GABRG3: variants seen among roughly 807,000 people sequenced by gnomAD.
The protein encoded by GABRG3 is gamma-aminobutyric acid type A receptor subunit gamma3, also known as gamma-aminobutyric acid receptor subunit gamma-3.
GABRG3 carries 25 observed loss-of-function variants against 48.8 expected under a neutral mutation model. The ratio of observed to expected loss-of-function variants is 0.51; its 90% CI spans 0.37 to 0.72. The LOEUF is 0.72. GABRG3 is among the 30% of genes least tolerant of loss of function. GABRG3 has a pLI of 0.00. For missense variants in GABRG3, 394 were observed against 577.9 expected (o/e 0.68, Z 3.26); for synonymous variants, 227 against 217.6 (o/e 1.04, Z -0.38).
Position 27,443,187 on chromosome 15 carries a change from C to T in GABRG3, c.575-37463C>T, listed in dbSNP as rs61507711. Among the ~76,000 whole-genome samples, 607 of 152,144 alleles carry T rather than the reference C, an allele frequency of 4.0e-3. 19 individuals carry two copies. In the East Asian group the frequency reaches 0.097, roughly 24 times the overall value. On this transcript the variant is annotated intron_variant, in intron 5 of 9. Coordinates refer to ENST00000615808, the MANE Select transcript of GABRG3 (RefSeq NM_033223.5). ...TTAAGAGATTAGGACACCGATATACCCAAAGGGAAGACCCTGTGAGGACCT... is the reference window on the plus strand; with the variant it reads ...TTAAGAGATTAGGACACCGATATACTCAAAGGGAAGACCCTGTGAGGACCT...
In GABRG3 at chr15:27,298,011, G is replaced by A. The variant is rs115269594; in HGVS notation, c.271-28798G>A. 8.2e-3 allele frequency among the ~76,000 whole-genome samples: 1,247 copies of A among 151,730 alleles called. 17 individuals are homozygous for A. Among genetic ancestry groups the A allele is most frequent in the African/African-American group, 0.029 (1,203 of 41,410 alleles). Reference sequence around the variant, plus strand: ...TAAAAATCATTATAGATCCTCAAACGTTACATCAGAAAATATCCACTTAAT... The same window carrying A: ...TAAAAATCATTATAGATCCTCAAACATTACATCAGAAAATATCCACTTAAT... On this transcript the variant is annotated intron_variant, in intron 3 of 9. Coordinates refer to ENST00000615808, the MANE Select transcript of GABRG3 (RefSeq NM_033223.5).
chr15:27,035,775 G>T (rs1339619690), intron 3 of GABRG3, among the ~76,000 whole-genome samples: 1 of 152,208 alleles, frequency 6.6e-6, no homozygotes, highest in African/African-American at 2.4e-5. Flanking sequence ...GGGTGCTGAT[G>T]TGCATCTTTC....
chr15:27,131,057 G>A (rs1339324524), intron 3 of GABRG3, among the ~76,000 whole-genome samples: 2 of 151,940 alleles, frequency 1.3e-5, no homozygotes, highest in Admixed American at 1.3e-4. Flanking sequence ...ACTCTGGCTA[G>A]AAATTCCAAT....
chr15:27,307,153 T>TGTTTATACATATATAAAC (rs1566770427), intron 3 of GABRG3, among the ~76,000 whole-genome samples: 2 of 127,856 alleles, frequency 1.6e-5, no homozygotes, highest in African/African-American at 6.5e-5. Flanking sequence ...TATATAAACA[T>TGTTTATACATATATAAAC]ATAAAAACAT....
chr15:27,446,506 A>G (rs1454161168), intron 5 of GABRG3, among the ~76,000 whole-genome samples: 1 of 152,210 alleles, frequency 6.6e-6, no homozygotes, highest in Non-Finnish European at 1.5e-5. Flanking sequence ...ATTCATTTAA[A>G]TGAGACAAGA....
intron 5 of GABRG3, among the ~76,000 whole-genome samples, chr15:27,396,270 G>C (rs1429034823): frequency 6.6e-6 from 1 of 152,154 alleles, no homozygotes; most frequent in Non-Finnish European, 1.5e-5. Flanking sequence ...AACAGAGCTT[G>C]TATCCAGAGT....
chr15:27,241,355 A>T (rs1018751555), intron 3 of GABRG3, among the ~76,000 whole-genome samples: 6 of 152,178 alleles, frequency 3.9e-5, no homozygotes, highest in African/African-American at 1.4e-4. Flanking sequence ...TTTTTAATTG[A>T]CCAAGTTTAG....
rs142838257 is a variant in GABRG3, at chr15:27,512,760, G to T, written c.713-7212G>T. Among the ~76,000 whole-genome samples the T allele has an allele frequency of 2.6e-5, 4 of 152,294 alleles. No homozygotes were observed. The East Asian group carries it at 7.7e-4, about 30-fold the overall frequency. On this transcript the variant is annotated intron_variant, in intron 6 of 9. Transcript: ENST00000615808. ...ATACACTGCTCAAGGGCAAAGCCCAGGGGAGTAGATGGCCAGGGGCTCCAG... is the reference window on the plus strand; with the variant it reads ...ATACACTGCTCAAGGGCAAAGCCCATGGGAGTAGATGGCCAGGGGCTCCAG...
rs138866594 is a variant in GABRG3 at position 27,475,269 on chromosome 15, T to C, written c.575-5381T>C. On this transcript the variant is annotated intron_variant, in intron 5 of 9. Transcript: ENST00000615808. ...CCTAACCTTATACTCTGTCTCTTCC[T>C]TATGTACATTACTTAGTGTCTCAGT... Among the ~76,000 whole-genome samples, 16 of 152,318 alleles carry C rather than the reference T, an allele frequency of 1.1e-4. No homozygotes were observed. In the East Asian group the frequency reaches 3.1e-3, roughly 29 times the overall value.
chr15:27,286,665 A>G (rs1891623670), intron 3 of GABRG3, among the ~76,000 whole-genome samples: 1 of 152,244 alleles, frequency 6.6e-6, no homozygotes, highest in Non-Finnish European at 1.5e-5. Flanking sequence ...TCAATAATTC[A>G]GTCTAGAGAG....
At chr15:26,996,622 T>C (rs1895344561) in intron 2 of GABRG3, among the ~76,000 whole-genome samples, 2 of 109,430 alleles carry the variant, frequency 1.8e-5, no homozygotes, top group Middle Eastern at 5.3e-3. Context: ...ATATACTGGC[T>C]TATTTATTTA....
chr15:27,448,155 G>A (rs1017911073), intron 5 of GABRG3, among the ~76,000 whole-genome samples: 3 of 152,116 alleles, frequency 2.0e-5, no homozygotes, highest in African/African-American at 7.2e-5. Context: ...GGTGACAACT[G>A]ATATTTTTTA....
intron 6 of GABRG3, among the ~76,000 whole-genome samples, chr15:27,517,787 G>C (rs1891058357): frequency 6.6e-6 from 1 of 152,082 alleles, no homozygotes; most frequent in Admixed American, 6.5e-5. Context: ...CTTAGGAAAT[G>C]ATGTAATTTT....
chr15:27,110,582 AT>A (rs58824508), intron 3 of GABRG3, among the ~76,000 whole-genome samples: 39,897 of 147,620 alleles, frequency 0.27, 6,211 homozygotes, highest in African/African-American at 0.43. Flanking sequence ...AATTCCCTCA[AT>A]TTTTTTTTTG....
At chr15:27,079,752 T>G (rs1490964639) in intron 3 of GABRG3, among the ~76,000 whole-genome samples, 1 of 152,050 alleles carries the variant, frequency 6.6e-6, no homozygotes, top group African/African-American at 2.4e-5. Context: ...GAACATACAG[T>G]CTCCAACACT....
chr15:27,224,744 C>T (rs1167729111), intron 3 of GABRG3, among the ~76,000 whole-genome samples: 1 of 152,224 alleles, frequency 6.6e-6, no homozygotes, highest in Non-Finnish European at 1.5e-5. Flanking sequence ...TTTCACATCC[C>T]TGCAATGAAA....
chr15:27,002,593 C>T (rs140273200), intron 2 of GABRG3, among the ~76,000 whole-genome samples: 1 of 151,312 alleles, frequency 6.6e-6, no homozygotes, highest in African/African-American at 2.4e-5. Flanking sequence ...GTGGGATGTG[C>T]GGAATAGTAT....
Position 27,418,251 on chromosome 15 carries a change from G to A in GABRG3, c.575-62399G>A, listed in dbSNP as rs76775375. Among the ~76,000 whole-genome samples, 558 of 152,358 alleles carry A rather than the reference G, an allele frequency of 3.7e-3. 8 individuals carry two copies. The highest frequency in any genetic ancestry group is 0.013 in the African/African-American group (550 of 41,584). On this transcript the variant is annotated intron_variant, in intron 5 of 9. Coordinates refer to ENST00000615808, the MANE Select transcript of GABRG3 (RefSeq NM_033223.5). ...GCCATAGCAGCAGAGCTGGAAGATG[G>A]TGTTGCTCTGATGTAGTGAGGGGAA...
chr15:27,368,550 G>A (rs1361601503), intron 5 of GABRG3, among the ~76,000 whole-genome samples: 1 of 152,188 alleles, frequency 6.6e-6, no homozygotes, highest in Non-Finnish European at 1.5e-5. Flanking sequence ...GCATGTCCCT[G>A]TCCTGGTCAT....
Sources: gnomAD v4.1 joint callset for allele counts (sites outside exome capture counted in the v4.1 genomes callset) on GRCh38, gnomAD v4.1.1 for gene constraint, MANE v1.5 for transcripts, NCBI Gene and HGNC (gene_info 2026-07-23, HGNC 2026-07-21) for gene names.